TMEM154: variants seen among roughly 807,000 people sequenced by gnomAD.
TMEM154 encodes transmembrane protein 154.
Under a neutral mutation model 24.5 loss-of-function variants are expected in TMEM154, and 27 were observed. The ratio of observed to expected loss-of-function variants is 1.10; its 90% CI spans 0.81 to 1.52. The LOEUF is 1.52. Among genes scored for constraint, TMEM154 ranks in the 40% most tolerant of loss-of-function variants. The pLI is 0.00. For synonymous variants in TMEM154, 67 were observed against 76.8 expected (o/e 0.87, Z 0.67); for missense variants, 228 against 213.4 (o/e 1.07, Z -0.43).
rs571050949 is a variant in TMEM154 at position 152,658,760 on chromosome 4, C to G, written c.65-5833G>C. On this transcript the variant is annotated intron_variant, in intron 1 of 6. Coordinates refer to ENST00000304385, the MANE Select transcript of TMEM154 (RefSeq NM_152680.3). ...CCCAGGAGTTGGAGGTTGCAGTGAA[C>G]TGAGATCACACCATTGCACTCCAGC... 6.0e-5 allele frequency among the ~76,000 whole-genome samples: 9 copies of G among 150,666 alleles called. No homozygotes were observed. The South Asian group carries it at 1.7e-3, about 28-fold the overall frequency.
intron 1 of TMEM154, among the ~76,000 whole-genome samples, chr4:152,667,365 G>A (rs1029316894): frequency 6.6e-6 from 1 of 152,142 alleles, no homozygotes; most frequent in Non-Finnish European, 1.5e-5. Context: ...CAAGGGAATG[G>A]AGGAATTGCT....
chr4:152,665,788 C>CT (rs560197111), intron 1 of TMEM154, among the ~76,000 whole-genome samples: 9,348 of 127,068 alleles, frequency 0.074, 394 homozygotes, highest in African/African-American at 0.098. Context: ...CAAGAATTTG[C>CT]TTTTTTTTTT....
intron 1 of TMEM154, among the ~76,000 whole-genome samples, chr4:152,657,479 A>G (rs1188420842): frequency 6.6e-6 from 1 of 152,156 alleles, no homozygotes; most frequent in Non-Finnish European, 1.5e-5. Flanking sequence ...GTGCCACTGT[A>G]CTTTAGCCTC....
intron 6 of TMEM154, among the ~76,000 whole-genome samples, chr4:152,640,054 C>G (rs548309379): frequency 3.7e-4 from 56 of 152,276 alleles, no homozygotes; most frequent in African/African-American, 1.3e-3. Flanking sequence ...TATTCCCTCG[C>G]GATGCTCAGG....
chr4:152,652,460 G>C, intron 3 of TMEM154, 78 bp downstream of exon 3: 1 of 1,589,468 alleles, frequency 6.3e-7, no homozygotes, highest in South Asian at 1.2e-5. Flanking sequence ...TGTAGTCCTT[G>C]TTGCTTAATT....
At chr4:152,671,513 C>T (rs2149790715) in intron 1 of TMEM154, among the ~76,000 whole-genome samples, 1 of 151,596 alleles carries the variant, frequency 6.6e-6, no homozygotes, top group East Asian at 1.9e-4. Flanking sequence ...TTTGGGAGGC[C>T]GAGGCGGGCA....
At chr4:152,652,262 C>A in intron 3 of TMEM154, among the ~76,000 whole-genome samples, 1 of 132,048 alleles carries the variant, frequency 7.6e-6, no homozygotes, top group Non-Finnish European at 1.6e-5. Context: ...TGCCATAAAA[C>A]TTCAATTTGT....
chr4:152,660,837 A>T (rs547585433), intron 1 of TMEM154, among the ~76,000 whole-genome samples: 1 of 152,324 alleles, frequency 6.6e-6, no homozygotes, highest in Non-Finnish European at 1.5e-5. Context: ...GGCTCTTGCT[A>T]AGGCTCCTCA....
intron 1 of TMEM154, among the ~76,000 whole-genome samples, chr4:152,662,355 G>A (rs1375350113): frequency 6.6e-6 from 1 of 152,156 alleles, no homozygotes; most frequent in Non-Finnish European, 1.5e-5. Context: ...AGTCTGGGAT[G>A]TCAAAGGGAG....
At chr4:152,655,739 T>A (rs4529032) in intron 1 of TMEM154, among the ~76,000 whole-genome samples, 9,718 of 151,994 alleles carry the variant, frequency 0.064, 610 homozygotes, top group African/African-American at 0.14. Context: ...GGCCAAAGCA[T>A]GAGCAAAGCA....
chr4:152,633,292 C>T (rs1450335777), intron 6 of TMEM154, among the ~76,000 whole-genome samples: 1 of 152,226 alleles, frequency 6.6e-6, no homozygotes, highest in Non-Finnish European at 1.5e-5. Context: ...CATCAGGCCA[C>T]TCCCAGAGTG....
Position 152,630,030 on chromosome 4 carries a change from T to G in TMEM154, c.537-1469A>C, listed in dbSNP as rs958706033. 1.3e-4 allele frequency among the ~76,000 whole-genome samples: 20 copies of G among 151,998 alleles called. 1 individual carries two copies. The highest frequency in any genetic ancestry group is 4.6e-4 in the African/African-American group (19 of 41,478). On this transcript the variant is annotated intron_variant, in intron 6 of 6. Coordinates refer to ENST00000304385, the MANE Select transcript of TMEM154 (RefSeq NM_152680.3). ...CAGGGAAGTGAACAAAAGGACAAAC[T>G]AGGGTGGGCGTGGTGGCTCACAGCT...
chr4:152,661,284 TTC>T (rs70949609), intron 1 of TMEM154, among the ~76,000 whole-genome samples: 2,130 of 63,200 alleles, frequency 0.034, 49 homozygotes, highest in East Asian at 0.052. Flanking sequence ...ATTGTTCTCT[TTC>T]TCTCTCTCTC....
intron 3 of TMEM154, among the ~76,000 whole-genome samples, chr4:152,648,791 A>AC (rs1346687197): frequency 6.6e-6 from 1 of 152,230 alleles, no homozygotes; most frequent in Non-Finnish European, 1.5e-5. Flanking sequence ...GAGCCTCACC[A>AC]TGTGAGTGGA....
At chr4:152,650,625 G>A (rs1057417872) in intron 3 of TMEM154, among the ~76,000 whole-genome samples, 2 of 152,116 alleles carry the variant, frequency 1.3e-5, no homozygotes, top group Non-Finnish European at 2.9e-5. Flanking sequence ...CCTATGAATC[G>A]GAAATGTTCT....
rs909032149 is a variant in TMEM154 at position 152,622,432 on chromosome 4, A to G, written c.*6114T>C. ...TTAGAAAGATGCATAATTCACCTCTACTCTTAGTAAATAAAACATTTTAGT... is the reference window on the plus strand; with the variant it reads ...TTAGAAAGATGCATAATTCACCTCTGCTCTTAGTAAATAAAACATTTTAGT... On this transcript the variant is annotated 3_prime_UTR_variant, in exon 7 of 7. Coordinates refer to ENST00000304385, the MANE Select transcript of TMEM154 (RefSeq NM_152680.3). 1.3e-5 allele frequency: 2 copies of G among 152,132 alleles called. No individual in the cohort carries two copies. The highest frequency in any genetic ancestry group is 6.5e-5 in the Admixed American group (1 of 15,268). 9.4% of individuals were successfully genotyped at this position (152,132 alleles called of 1,614,324 possible). A position where few individuals can be genotyped will look rare whatever the true frequency, so the allele number is the denominator to read the frequency against.
intron 6 of TMEM154, among the ~76,000 whole-genome samples, chr4:152,629,408 A>G (rs913264955): frequency 1.1e-4 from 17 of 152,192 alleles, no homozygotes; most frequent in Non-Finnish European, 2.4e-4. Context: ...GCAGACATAA[A>G]TGATGTACAT....
At chr4:152,670,244 C>A (rs910276300) in intron 1 of TMEM154, 2 of 152,176 alleles carry the variant, frequency 1.3e-5, no homozygotes, top group Non-Finnish European at 2.9e-5. Flanking sequence ...GGGCAGAGTG[C>A]AATAATTGTT....
At position 152,655,233 on chromosome 4, in the gene TMEM154, G is replaced by A. The variant is rs563495123; in HGVS notation, c.65-2306C>T. Among the ~76,000 whole-genome samples the A allele has an allele frequency of 4.5e-4, 68 of 152,342 alleles. 1 individual carries two copies. Among genetic ancestry groups the A allele is most frequent in the African/African-American group, 1.6e-3 (67 of 41,584 alleles). On this transcript the variant is annotated intron_variant, in intron 1 of 6. Coordinates refer to ENST00000304385, the MANE Select transcript of TMEM154 (RefSeq NM_152680.3). ...AAAGCACGGAAGGAGAGGGAAATAA[G>A]GCATCCTTCTTGGCTGAGACTGGCT...
Sources: gnomAD v4.1 joint callset for allele counts (sites outside exome capture counted in the v4.1 genomes callset) on GRCh38, gnomAD v4.1.1 for gene constraint, MANE v1.5 for transcripts, NCBI Gene and HGNC (gene_info 2026-07-23, HGNC 2026-07-21) for gene names.